The following EGLN3 variants were observed in gnomAD, a reference collection of about 807,000 sequenced individuals.
The protein encoded by EGLN3 is prolyl hydroxylase EGLN3.
In EGLN3, 15 loss-of-function variants were observed where a neutral mutation model predicts 26.0. The ratio of observed to expected loss-of-function variants is 0.58; its 90% CI spans 0.39 to 0.89. The LOEUF is 0.89. Among genes scored for constraint, EGLN3 ranks in the 40% least tolerant of loss-of-function variants. EGLN3 has a pLI of 0.00. For missense variants in EGLN3, 238 were observed against 311.6 expected (o/e 0.76, Z 1.78); for synonymous variants, 147 against 127.2 (o/e 1.16, Z -1.05).
intron 3 of EGLN3, among the ~76,000 whole-genome samples, chr14:33,928,806 G>A (rs1457565178): frequency 6.6e-6 from 1 of 152,096 alleles, no homozygotes; most frequent in Non-Finnish European, 1.5e-5. Flanking sequence ...GGAAAGGAGA[G>A]AAGAGAAAAA....
chr14:33,934,617 A>G (rs139671989), intron 1 of EGLN3, among the ~76,000 whole-genome samples: 13 of 152,330 alleles, frequency 8.5e-5, no homozygotes, highest in Non-Finnish European at 1.6e-4. Context: ...AAAACTTGGC[A>G]TCAGTGACCT....
intron 1 of EGLN3, among the ~76,000 whole-genome samples, chr14:33,946,376 C>CAATA (rs58751029): frequency 0.29 from 44,499 of 151,086 alleles, 6,715 homozygotes; most frequent in Non-Finnish European, 0.35. Context: ...AACTCTGTCT[C>CAATA]AATAAATAAA....
intron 2 of EGLN3, among the ~76,000 whole-genome samples, chr14:33,929,416 G>C (rs1680704): frequency 0.9 from 137,200 of 152,272 alleles, 62,569 homozygotes; most frequent in Non-Finnish European, 0.97. Context: ...GCAATGGCAC[G>C]ATCTCGTTTC....
intron 1 of EGLN3, among the ~76,000 whole-genome samples, chr14:33,932,658 A>T (rs1353064288): frequency 6.6e-6 from 1 of 152,196 alleles, no homozygotes; most frequent in Admixed American, 6.5e-5. Flanking sequence ...AACAATCCCC[A>T]TATCCTGCCT....
intron 1 of EGLN3, among the ~76,000 whole-genome samples, chr14:33,932,153 C>A (rs1236525895): frequency 6.6e-6 from 1 of 152,152 alleles, no homozygotes; most frequent in African/African-American, 2.4e-5. Flanking sequence ...TTAGAACCAG[C>A]AACACAAGAT....
intron 1 of EGLN3, among the ~76,000 whole-genome samples, chr14:33,944,493 T>A (rs778309513): frequency 6.6e-6 from 1 of 152,182 alleles, no homozygotes; most frequent in Non-Finnish European, 1.5e-5. Flanking sequence ...TCTCCAAATA[T>A]GAAAACAACT....
At position 33,950,504 on chromosome 14, in the gene EGLN3, G is replaced by T. The variant is rs1566602911; in HGVS notation, c.249C>A (p.Gly83=). Residue 83 remains glycine (G), a synonymous_variant, in exon 1 of 5, where the codon GGC becomes GGA. Transcript: ENST00000250457. ...TGATGGCCTCGCAGCCCTCCTCGTT[G>T]CCCCCGATCCACGTGATCTGGTCGC... ...LRGDQITWIG[G]NEEGCEAISF... 6.2e-7 allele frequency: 1 copy of T among 1,613,636 alleles called. No individual in the cohort carries two copies. The highest frequency in any genetic ancestry group is 8.5e-7 in the Non-Finnish European group (1 of 1,180,032).
chr14:33,950,305 C>A, intron 1 of EGLN3, 91 bp downstream of exon 1: 1 of 1,253,000 alleles, frequency 8.0e-7, no homozygotes. Context: ...ACAAAGTTCG[C>A]TTACGGCCCT....
chr14:33,945,449 C>A (rs191073421), intron 1 of EGLN3, among the ~76,000 whole-genome samples: 56 of 152,294 alleles, frequency 3.7e-4, no homozygotes, highest in Admixed American at 2.2e-3. Flanking sequence ...GACAATCAGA[C>A]TTTCTCCCAG....
At chr14:33,940,846 C>T (rs1441115014) in intron 1 of EGLN3, among the ~76,000 whole-genome samples, 2 of 152,156 alleles carry the variant, frequency 1.3e-5, no homozygotes, top group East Asian at 1.9e-4. Flanking sequence ...GTGTCATTCC[C>T]GAAGCTGGCA....
In EGLN3 at chr14:33,931,150, A is replaced by C. The variant is rs773831924; in HGVS notation, c.423T>G (p.Gly141=). 49 of 1,614,064 alleles carry C rather than the reference A, an allele frequency of 3.0e-5. No individual in the cohort carries two copies. The South Asian group carries it at 3.8e-4, about 13-fold the overall frequency. ...GYVRHVDNPN[G]DGRCITCIYY... is the part of the protein sequence containing the mutation. ...AGATGCAGGTGATGCAGCGACCATC[A>C]CCGTTGGGGTTGTCCACGTGGCGAA... is the stretch of plus-strand genomic sequence containing the variant. The change falls in exon 2 of 5, where the codon GGT becomes GGG. Residue 141 remains glycine, a synonymous_variant. Transcript: ENST00000250457.
At chr14:33,943,738 T>C (rs1166933543) in intron 1 of EGLN3, among the ~76,000 whole-genome samples, 1 of 152,212 alleles carries the variant, frequency 6.6e-6, no homozygotes, top group Non-Finnish European at 1.5e-5. Flanking sequence ...AGAGGTTGGG[T>C]AGAACGCCAC....
chr14:33,932,074 T>C (rs183518166), intron 1 of EGLN3, among the ~76,000 whole-genome samples: 53 of 152,346 alleles, frequency 3.5e-4, no homozygotes, highest in Middle Eastern at 3.4e-3. Flanking sequence ...AGCCAGTTCT[T>C]TTCTTCACAG....
At chr14:33,931,482 A>AC (rs2064403651) in intron 1 of EGLN3, 1 of 427,174 alleles carries the variant, frequency 2.3e-6, no homozygotes, top group Non-Finnish European at 4.2e-6. Flanking sequence ...TCTTAAAGTA[A>AC]CCTATCTGCA....
At position 33,931,218 on chromosome 14, in the gene EGLN3, A is replaced by G; in HGVS notation, c.358-3T>C. The G allele has an allele frequency of 1.2e-6, 2 of 1,614,160 alleles. No individual in the cohort carries two copies. The highest frequency in any genetic ancestry group is 1.1e-5 in the South Asian group (1 of 91,074). On this transcript the variant is annotated splice_region_variant and splice_polypyrimidine_tract_variant and intron_variant, in intron 1 of 4. Transcript: ENST00000250457. ...CCCGGATAGCAAGCCACCATTGCCT[A>G]TGGAGAAATCCCAAGAAAGCTGGTT...
chr14:33,950,956 C>A lies in EGLN3; in HGVS notation c.-204G>T, dbSNP rs970772675. 4.5e-5 allele frequency: 27 copies of A among 602,348 alleles called. No homozygotes were observed. In the African/African-American group the frequency reaches 4.6e-4, roughly 10 times the overall value. 37.3% of individuals were successfully genotyped at this position (602,348 alleles called of 1,614,324 possible). ...GAAGGGATCTGCCTTCGGGAACCAG[C>A]GGGAGTGGTGCGGAGCTCCACGACC... On this transcript the variant is annotated 5_prime_UTR_variant, in exon 1 of 5. Coordinates refer to ENST00000250457, the MANE Select transcript of EGLN3 (RefSeq NM_022073.4).
At chr14:33,950,362 G>A in intron 1 of EGLN3, 34 bp downstream of exon 1, 1 of 1,602,880 alleles carries the variant, frequency 6.2e-7, no homozygotes, top group Non-Finnish European at 8.5e-7. Context: ...GTCCCCGCGG[G>A]AGCAGCTGCG....
chr14:33,950,627 G>T lies in EGLN3; in HGVS notation c.126C>A (p.Cys42Ter). The change falls in exon 1 of 5, where the codon TGC becomes TGA. Residue 42 changes from cysteine (C) to a stop codon, truncating the protein, a stop_gained. Transcript: ENST00000250457. LOFTEE classifies it high-confidence loss of function. ...DNFLGEVVGDCVLERVKQLHC... is the reference protein window; with the variant it reads ...DNFLGEVVGD Reference sequence around the variant, plus strand: ...GCAGCTGCTTGACGCGCTCCAGGACGCAGTCGCCCACCACCTCGCCCAGGA... The same window carrying T: ...GCAGCTGCTTGACGCGCTCCAGGACTCAGTCGCCCACCACCTCGCCCAGGA... The T allele has an allele frequency of 4.3e-6, 7 of 1,613,866 alleles. No homozygotes were observed. Among genetic ancestry groups the T allele is most frequent in the Non-Finnish European group, 5.9e-6 (7 of 1,179,946 alleles).
rs116212818 is a variant in EGLN3, at chr14:33,943,570, G to C, written c.357+6826C>G. Among the ~76,000 whole-genome samples the C allele has an allele frequency of 6.0e-3, 920 of 152,336 alleles. 14 individuals are homozygous for C. Among genetic ancestry groups the C allele is most frequent in the African/African-American group, 0.021 (868 of 41,562 alleles). ...CCTGCAAGCTACTTCTTGGTCTTCAGTGGGCACAGATCAAAATGTAATTTA... is the reference window on the plus strand; with the variant it reads ...CCTGCAAGCTACTTCTTGGTCTTCACTGGGCACAGATCAAAATGTAATTTA... On this transcript the variant is annotated intron_variant, in intron 1 of 4. Coordinates refer to ENST00000250457, the MANE Select transcript of EGLN3 (RefSeq NM_022073.4).
Sources: allele counts gnomAD v4.1 joint callset (sites outside exome capture counted in the v4.1 genomes callset), GRCh38; gene constraint gnomAD v4.1.1; transcripts MANE v1.5; gene names NCBI Gene and HGNC (gene_info 2026-07-23, HGNC 2026-07-21).